TMTC3: variants seen among roughly 807,000 people sequenced by gnomAD.
TMTC3 encodes the protein protein O-mannosyl-transferase TMTC3.
TMTC3 carries 52 observed loss-of-function variants against 92.2 expected under a neutral mutation model. That is an observed-to-expected ratio of 0.56 (90% CI 0.45 to 0.71). The LOEUF is 0.71. Among genes scored for constraint, TMTC3 ranks in the 30% least tolerant of loss-of-function variants. TMTC3 has a pLI of 0.00. For missense variants in TMTC3, 896 were observed against 1,057.1 expected (o/e 0.85, Z 2.11); for synonymous variants, 339 against 363.3 (o/e 0.93, Z 0.76).
chr12:88,151,883 G>A (rs1251359985), intron 2 of TMTC3, among the ~76,000 whole-genome samples: 1 of 152,188 alleles, frequency 6.6e-6, no homozygotes, highest in Admixed American at 6.5e-5. Flanking sequence ...AATTAGGCAA[G>A]CAGGAAAGAA....
intron 4 of TMTC3, among the ~76,000 whole-genome samples, chr12:88,155,353 T>TA (rs1426841552): frequency 2.1e-4 from 32 of 152,256 alleles, no homozygotes; most frequent in African/African-American, 6.5e-4. Flanking sequence ...TAGTAGGAGG[T>TA]ACTTTTGTAA....
chr12:88,156,811 G>GTTTTT (rs56284816), intron 4 of TMTC3, among the ~76,000 whole-genome samples: 5 of 136,730 alleles, frequency 3.7e-5, no homozygotes, highest in East Asian at 2.1e-4. Context: ...GTGTGTGTGT[G>GTTTTT]TTTTTTTTTT....
intron 1 of TMTC3, among the ~76,000 whole-genome samples, chr12:88,145,165 CT>C (rs1488688830): frequency 6.6e-6 from 1 of 152,162 alleles, no homozygotes; most frequent in Non-Finnish European, 1.5e-5. Context: ...TAGCTTACTT[CT>C]CCGATCTCTA....
chr12:88,148,960 A>G (rs2040909051), intron 2 of TMTC3, among the ~76,000 whole-genome samples: 1 of 152,140 alleles, frequency 6.6e-6, no homozygotes, highest in Non-Finnish European at 1.5e-5. Flanking sequence ...TTTCTTGCTA[A>G]TTGACTTTAT....
At position 88,195,676 on chromosome 12, in the gene TMTC3, T is replaced by A; in HGVS notation, c.*27T>A. On this transcript the variant is annotated 3_prime_UTR_variant, in exon 14 of 14. Coordinates refer to ENST00000266712, the MANE Select transcript of TMTC3 (RefSeq NM_181783.4). Reference sequence around the variant, plus strand: ...ATTAATATTTATCGTGACAATGGTATCAAAGAACATCAATCCGTATCATGT... The same window carrying A: ...ATTAATATTTATCGTGACAATGGTAACAAAGAACATCAATCCGTATCATGT... The A allele has an allele frequency of 6.5e-7, 1 of 1,534,928 alleles. No homozygotes were observed. Among genetic ancestry groups the A allele is most frequent in the South Asian group, 1.3e-5 (1 of 77,912 alleles).
chr12:88,182,153 G>A (rs2041325323), intron 10 of TMTC3, among the ~76,000 whole-genome samples: 1 of 152,192 alleles, frequency 6.6e-6, no homozygotes, highest in Admixed American at 6.5e-5. Flanking sequence ...TGGATATAGG[G>A]AGATAGTGTT....
chr12:88,171,470 G>C (rs1236114618), intron 7 of TMTC3, among the ~76,000 whole-genome samples: 1 of 151,990 alleles, frequency 6.6e-6, no homozygotes, highest in Non-Finnish European at 1.5e-5. Context: ...TCTTTCTGTG[G>C]CTGGCTTATT....
chr12:88,152,950 G>A (rs901568651), intron 2 of TMTC3, among the ~76,000 whole-genome samples: 2 of 152,078 alleles, frequency 1.3e-5, no homozygotes, highest in Non-Finnish European at 2.9e-5. Flanking sequence ...GCAGGCTTTG[G>A]AGAGAATCCT....
rs2138382303 is a variant in TMTC3, at chr12:88,160,662, TTTC to T, written c.625-14_625-12del. On this transcript the variant is annotated splice_polypyrimidine_tract_variant and intron_variant, in intron 5 of 13. Transcript: ENST00000266712. ...ATGTCGTTATTTGTTGCTTAAAACA[TTTC>T]TTTTCTTTTTCAGTATACTTTGCCA... The T allele has an allele frequency of 6.2e-7, 1 of 1,610,050 alleles. No individual in the cohort carries two copies. Among genetic ancestry groups the T allele is most frequent in the East Asian group, 2.2e-5 (1 of 44,736 alleles).
chr12:88,175,667 A>G (rs577403138), intron 9 of TMTC3, among the ~76,000 whole-genome samples: 2 of 152,278 alleles, frequency 1.3e-5, no homozygotes, highest in South Asian at 2.1e-4. Flanking sequence ...CACTCCCAGG[A>G]CAGTGGTTGG....
rs941988081 is a variant in TMTC3, at chr12:88,142,363, G to C, written c.-153G>C. On this transcript the variant is annotated 5_prime_UTR_variant, in exon 1 of 14. Coordinates refer to ENST00000266712, the MANE Select transcript of TMTC3 (RefSeq NM_181783.4). ...GGACCGAGAGGCGGGAGGAGCAGCG[G>C]CTCAGGCGCCTGCAAACTGGTGGCC... 1 of 152,706 alleles carries C rather than the reference G, an allele frequency of 6.5e-6. No homozygotes were observed. Among genetic ancestry groups the C allele is most frequent in the Non-Finnish European group, 1.5e-5 (1 of 68,452 alleles). The allele number at this position is 152,706 out of a possible 1,614,324, so 9.5% of individuals were successfully genotyped here.
rs1279472434 is a variant in TMTC3, at chr12:88,148,279, T to G, written c.-28-9T>G. 6.5e-7 allele frequency: 1 copy of G among 1,528,060 alleles called. No individual in the cohort carries two copies. Among genetic ancestry groups the G allele is most frequent in the Non-Finnish European group, 8.9e-7 (1 of 1,123,834 alleles). 94.7% of individuals were successfully genotyped at this position (1,528,060 alleles called of 1,614,324 possible). A position where few individuals can be genotyped will look rare whatever the true frequency, so the allele number is the denominator to read the frequency against. Reference sequence around the variant, plus strand: ...GTTCCTTATTTTATCTTCATGATTTTTTTTCCAGTTTTTGTCCAGAAGTGC... The same window carrying G: ...GTTCCTTATTTTATCTTCATGATTTGTTTTCCAGTTTTTGTCCAGAAGTGC... On this transcript the variant is annotated splice_polypyrimidine_tract_variant and intron_variant, in intron 1 of 13. Coordinates refer to ENST00000266712, the MANE Select transcript of TMTC3 (RefSeq NM_181783.4).
At chr12:88,142,795 G>A (rs551192673) in intron 1 of TMTC3, among the ~76,000 whole-genome samples, 1 of 152,180 alleles carries the variant, frequency 6.6e-6, no homozygotes, top group African/African-American at 2.4e-5. Flanking sequence ...TCCCGACCCC[G>A]CCCGCCTTAC....
intron 6 of TMTC3, among the ~76,000 whole-genome samples, chr12:88,165,466 T>C (rs1426472906): frequency 6.6e-6 from 1 of 152,102 alleles, no homozygotes; most frequent in Non-Finnish European, 1.5e-5. Flanking sequence ...GAAATGATAT[T>C]ATTTGTTCAA....
At chr12:88,187,087 A>T (rs911374107) in intron 10 of TMTC3, among the ~76,000 whole-genome samples, 1 of 151,460 alleles carries the variant, frequency 6.6e-6, no homozygotes, top group Non-Finnish European at 1.5e-5. Flanking sequence ...TTAGTGTATA[A>T]TTTTTTCAGG....
chr12:88,191,883 T>C (rs2041447132), intron 12 of TMTC3, among the ~76,000 whole-genome samples: 1 of 152,038 alleles, frequency 6.6e-6, no homozygotes, highest in Non-Finnish European at 1.5e-5. Context: ...CAAATTTCTG[T>C]ATTTTTAGTA....
intron 10 of TMTC3, among the ~76,000 whole-genome samples, chr12:88,178,449 TG>T (rs2041282415): frequency 2.6e-5 from 4 of 152,316 alleles, no homozygotes; most frequent in African/African-American, 4.8e-5. Flanking sequence ...TCTTTCCAGC[TG>T]TAAGCAAATA....
intron 10 of TMTC3, among the ~76,000 whole-genome samples, chr12:88,179,942 A>G (rs2041298706): frequency 6.6e-6 from 1 of 152,188 alleles, no homozygotes; most frequent in Non-Finnish European, 1.5e-5. Flanking sequence ...GGCTCTGGAT[A>G]AGAGAATCTG....
Position 88,153,289 on chromosome 12 carries a change from AGGAGAG to A in TMTC3, c.190-1_194del. 6.2e-7 allele frequency: 1 copy of A among 1,603,024 alleles called. No homozygotes were observed. Among genetic ancestry groups the A allele is most frequent in the Admixed American group, 1.7e-5 (1 of 58,086 alleles). On this transcript the variant is annotated splice_acceptor_variant and coding_sequence_variant, in exon 3 of 14. Transcript: ENST00000266712. LOFTEE classifies it high-confidence loss of function. ...TAATCACTGATCGTTTTTTCCTTGT[AGGAGAG>A]AAGCCACAAGTCTTACCGTCCCTTA...
Sources: gnomAD v4.1 joint callset for allele counts (sites outside exome capture counted in the v4.1 genomes callset) on GRCh38, gnomAD v4.1.1 for gene constraint, MANE v1.5 for transcripts, NCBI Gene and HGNC (gene_info 2026-07-23, HGNC 2026-07-21) for gene names.